Variants in PCSK2 observed in about 807,000 individuals in gnomAD.
PCSK2 encodes the protein proprotein convertase subtilisin/kexin type 2.
A neutral mutation model predicts 69.7 loss-of-function variants in PCSK2; 14 were observed. The observed-to-expected ratio is 0.20, with a 90% CI of 0.13 to 0.31. PCSK2 has a LOEUF of 0.31. Ranked by LOEUF, PCSK2 falls within the 10% of genes least tolerant of loss-of-function variation. PCSK2 has a pLI of 1.00. For missense variants in PCSK2, 544 were observed against 842.5 expected (o/e 0.65, Z 4.39); for synonymous variants, 307 against 320.7 (o/e 0.96, Z 0.46).
intron 5 of PCSK2, among the ~76,000 whole-genome samples, chr20:17,382,736 C>G (rs1290512431): frequency 6.6e-6 from 1 of 152,120 alleles, no homozygotes; most frequent in Non-Finnish European, 1.5e-5. Flanking sequence ...AAGGTCGTTA[C>G]AAAGAACAAA....
chr20:17,261,565 G>T (rs1212460811), intron 2 of PCSK2, among the ~76,000 whole-genome samples: 1 of 152,174 alleles, frequency 6.6e-6, no homozygotes, highest in Non-Finnish European at 1.5e-5. Context: ...TGCCTGTGCT[G>T]CCAGCCAAGG....
At chr20:17,418,222 TC>T (rs2032044847) in intron 6 of PCSK2, among the ~76,000 whole-genome samples, 1 of 152,210 alleles carries the variant, frequency 6.6e-6, no homozygotes, top group Non-Finnish European at 1.5e-5. Context: ...ATTATGATTT[TC>T]CCCTTTTGGA....
intron 4 of PCSK2, among the ~76,000 whole-genome samples, chr20:17,361,485 G>A (rs1378741208): frequency 6.6e-6 from 1 of 152,182 alleles, no homozygotes; most frequent in East Asian, 1.9e-4. Flanking sequence ...ATGTGTTGTT[G>A]CCCTCCATCA....
At chr20:17,479,640 A>G (rs1378133159) in intron 11 of PCSK2, among the ~76,000 whole-genome samples, 1 of 152,068 alleles carries the variant, frequency 6.6e-6, no homozygotes, top group Non-Finnish European at 1.5e-5. Context: ...TTTACTAAAA[A>G]TATAAATAAT....
chr20:17,469,344 G>C (rs938707265), intron 11 of PCSK2, among the ~76,000 whole-genome samples: 1 of 152,112 alleles, frequency 6.6e-6, no homozygotes, highest in Non-Finnish European at 1.5e-5. Context: ...CCTTATACTC[G>C]CACAGTCGAG....
chr20:17,375,831 A>G (rs1273317684), intron 5 of PCSK2, among the ~76,000 whole-genome samples: 1 of 152,176 alleles, frequency 6.6e-6, no homozygotes, highest in Non-Finnish European at 1.5e-5. Flanking sequence ...CAAATACAGA[A>G]GTTTGCATTG....
chr20:17,265,163 G>A (rs1333091066), intron 2 of PCSK2, among the ~76,000 whole-genome samples: 8 of 152,116 alleles, frequency 5.3e-5, no homozygotes, highest in South Asian at 2.1e-4. Context: ...AAAATGTCAC[G>A]GAGAAAAATC....
At chr20:17,302,662 C>T (rs1035455483) in intron 2 of PCSK2, among the ~76,000 whole-genome samples, 6 of 152,144 alleles carry the variant, frequency 3.9e-5, no homozygotes, top group Non-Finnish European at 7.4e-5. Flanking sequence ...GGTAGACAGC[C>T]CTGTTTCAAC....
At chr20:17,456,534 G>A in intron 10 of PCSK2, 86 bp downstream of exon 10, 3 of 754,122 alleles carry the variant, frequency 4.0e-6, no homozygotes, top group East Asian at 2.5e-5. Flanking sequence ...TGTCCATGGA[G>A]GGAAAAGTTG....
chr20:17,274,086 G>A (rs1987966932), intron 2 of PCSK2, among the ~76,000 whole-genome samples: 1 of 152,100 alleles, frequency 6.6e-6, no homozygotes, highest in South Asian at 2.1e-4. Context: ...CTGGATTTGG[G>A]GAGCAGTAGA....
intron 5 of PCSK2, among the ~76,000 whole-genome samples, chr20:17,403,991 C>G (rs551215609): frequency 2.8e-4 from 43 of 152,278 alleles, no homozygotes; most frequent in African/African-American, 9.6e-4. Flanking sequence ...AGCACCCTGT[C>G]TATGGGCAAA....
At chr20:17,248,194 G>T (rs1188689843) in intron 1 of PCSK2, among the ~76,000 whole-genome samples, 1 of 151,128 alleles carries the variant, frequency 6.6e-6, no homozygotes, top group Non-Finnish European at 1.5e-5. Flanking sequence ...GTGTGTGTGT[G>T]TGTGTGTGTG....
intron 2 of PCSK2, among the ~76,000 whole-genome samples, chr20:17,287,519 G>A (rs1988558978): frequency 6.6e-6 from 1 of 151,938 alleles, no homozygotes. Flanking sequence ...AAGTAAACAG[G>A]TCAAGGAGGG....
intron 4 of PCSK2, among the ~76,000 whole-genome samples, chr20:17,362,869 T>A (rs2123218303): frequency 6.6e-6 from 1 of 152,318 alleles, no homozygotes; most frequent in East Asian, 1.9e-4. Flanking sequence ...AATGAGCACA[T>A]TTGGGACAAG....
At chr20:17,395,877 T>C (rs2031498892) in intron 5 of PCSK2, among the ~76,000 whole-genome samples, 3 of 152,146 alleles carry the variant, frequency 2.0e-5, no homozygotes, top group Admixed American at 2.0e-4. Flanking sequence ...TTGCTATTTT[T>C]AGAGCTGAAA....
At chr20:17,458,828 T>C (rs2032967083) in intron 10 of PCSK2, among the ~76,000 whole-genome samples, 1 of 152,214 alleles carries the variant, frequency 6.6e-6, no homozygotes, top group Non-Finnish European at 1.5e-5. Flanking sequence ...AAATGCCTAC[T>C]TGAGTCACAG....
intron 7 of PCSK2, among the ~76,000 whole-genome samples, chr20:17,433,620 A>G (rs901438470): frequency 1.3e-5 from 2 of 152,318 alleles, no homozygotes; most frequent in South Asian, 2.1e-4. Context: ...GCTCTAAATG[A>G]ATGGAAGAGA....
In PCSK2 at chr20:17,453,200, C is replaced by G. The variant is rs1016184861; in HGVS notation, c.886-542C>G. Among the ~76,000 whole-genome samples the G allele has an allele frequency of 1.3e-5, 2 of 152,006 alleles. No homozygotes were observed. The highest frequency in any genetic ancestry group is 2.9e-5 in the Non-Finnish European group (2 of 68,000). On this transcript the variant is annotated intron_variant, in intron 8 of 11. Coordinates refer to ENST00000262545, the MANE Select transcript of PCSK2 (RefSeq NM_002594.5). This position sits in a 1 kb window ranked among gnomAD's most constrained non-coding sequence, Gnocchi z 4.0. ...CTTTATATTTATAATGTCTACATAT[C>G]ATATTTAAATTTATATATTGATATA... is the stretch of plus-strand genomic sequence containing the variant.
At chr20:17,291,796 G>T (rs933125149) in intron 2 of PCSK2, among the ~76,000 whole-genome samples, 1 of 152,142 alleles carries the variant, frequency 6.6e-6, no homozygotes, top group Non-Finnish European at 1.5e-5. Context: ...AGGCAGTATA[G>T]AGCTGATATG....
Sources: allele counts gnomAD v4.1 joint callset (sites outside exome capture counted in the v4.1 genomes callset), GRCh38; gene constraint gnomAD v4.1.1; non-coding constraint Gnocchi (gnomAD v3.1); transcripts MANE v1.5; gene names NCBI Gene and HGNC (gene_info 2026-07-23, HGNC 2026-07-21).